MIA3: variants seen among roughly 807,000 people sequenced by gnomAD.
MIA3 encodes transport and Golgi organization protein 1 homolog.
In MIA3, 90 loss-of-function variants were observed where a neutral mutation model predicts 192.4. The observed-to-expected ratio is 0.47, with a 90% CI of 0.39 to 0.56. The LOEUF (loss-of-function observed/expected upper bound fraction) is 0.56, where lower values mean the gene tolerates loss of function less well. MIA3 is among the 20% of genes least tolerant of loss of function. The pLI is 0.00. For missense variants in MIA3, 2,123 were observed against 2,269.4 expected (o/e 0.94, Z 1.31); for synonymous variants, 740 against 792.8 (o/e 0.93, Z 1.12).
At chr1:222,633,355 T>C (rs1662489677) in intron 6 of MIA3, 106 bp downstream of exon 6, 3 of 943,052 alleles carry the variant, frequency 3.2e-6, no homozygotes, top group South Asian at 3.4e-5. Context: ...TGAACCTGAC[T>C]CCTGATCCTT....
At position 222,633,172 on chromosome 1, in the gene MIA3, G is replaced by A. The variant is rs577679209; in HGVS notation, c.3400G>A (p.Glu1134Lys). Residue 1134 changes from glutamate to lysine, a missense_variant, in exon 6 of 28, where the codon GAA becomes AAA. Physicochemically the swap from Glu to Lys is moderately conservative, Grantham distance 56 (BLOSUM62 1). This residue lies in a region of MIA3 where 1,357 missense variants were observed against 1,396.1 expected (regional missense o/e 0.97). Coordinates refer to ENST00000344922, the MANE Select transcript of MIA3 (RefSeq NM_198551.4). ...AAACAAGCAACCAGAGACAGCCGCC[G>A]AAGAGCCGGCAAGTGTCACACCTTT... ...DANKQPETAAEEPASVTPLEN... is the reference protein window; with the variant it reads ...DANKQPETAAKEPASVTPLEN... 41 of 1,614,050 alleles carry A rather than the reference G, an allele frequency of 2.5e-5. No homozygotes were observed. The highest frequency in any genetic ancestry group is 3.3e-5 in the Admixed American group (2 of 59,996).
intron 6 of MIA3, among the ~76,000 whole-genome samples, chr1:222,637,912 G>A (rs947936400): frequency 6.6e-6 from 1 of 151,970 alleles, no homozygotes. Flanking sequence ...AAAATCCTGG[G>A]CTCAAGTAAT....
rs751625495 is a variant in MIA3 at position 222,628,450 on chromosome 1, A to G, written c.1230A>G (p.Glu410=). 6.2e-7 allele frequency: 1 copy of G among 1,612,610 alleles called. No homozygotes were observed. The highest frequency in any genetic ancestry group is 1.1e-5 in the South Asian group (1 of 90,716). Residue 410 remains glutamate (E), a synonymous_variant, in exon 4 of 28, where the codon GAA becomes GAG. Transcript: ENST00000344922. ...TMDLESSSSE[E]EKEDDDDALV... ...ATTTAGAGAGCTCTAGTTCAGAGGA[A>G]GAAAAAGAAGATGATGATGATGCAT...
chr1:222,622,584 A>G (rs929893042), intron 2 of MIA3, among the ~76,000 whole-genome samples: 4 of 152,320 alleles, frequency 2.6e-5, no homozygotes, highest in African/African-American at 9.6e-5. Flanking sequence ...CAGCTCTCCT[A>G]TTTAGAGAGC....
chr1:222,636,735 A>G (rs1662642793), intron 6 of MIA3, among the ~76,000 whole-genome samples: 1 of 152,004 alleles, frequency 6.6e-6, no homozygotes, highest in South Asian at 2.1e-4. Flanking sequence ...GCTGGTCTCG[A>G]ACTCCTGACC....
intron 2 of MIA3, among the ~76,000 whole-genome samples, chr1:222,621,945 GC>G (rs1661887589): frequency 6.6e-6 from 1 of 151,938 alleles, no homozygotes; most frequent in Non-Finnish European, 1.5e-5. Flanking sequence ...AGTAGCTGGG[GC>G]TGCAGGTGCC....
Position 222,630,151 on chromosome 1 carries a change from G to A in MIA3, c.2931G>A (p.Lys977=), listed in dbSNP as rs753907157. ...LPYNMEKVLD[K]VFRASESQIL... The stretch of plus-strand genomic sequence containing the variant: ...ATAATATGGAAAAAGTCCTAGATAA[G>A]GTCTTCCGTGCTTCTGAGTCACAAA... The change falls in exon 4 of 28, where the codon AAG becomes AAA. Residue 977 remains lysine (K), a synonymous_variant. Coordinates refer to ENST00000344922, the MANE Select transcript of MIA3 (RefSeq NM_198551.4). 2.5e-6 allele frequency: 4 copies of A among 1,614,190 alleles called. No individual in the cohort carries two copies. Among genetic ancestry groups the A allele is most frequent in the Non-Finnish European group, 3.4e-6 (4 of 1,180,042 alleles).
At chr1:222,623,767 C>T (rs1421146349) in intron 2 of MIA3, among the ~76,000 whole-genome samples, 2 of 152,136 alleles carry the variant, frequency 1.3e-5, no homozygotes, top group Non-Finnish European at 2.9e-5. Flanking sequence ...GGAGATCTAC[C>T]TCTCCTTTCA....
chr1:222,651,984 A>G lies in MIA3; in HGVS notation c.3917A>G (p.Glu1306Gly). 6.4e-7 allele frequency: 1 copy of G among 1,562,604 alleles called. No individual in the cohort carries two copies. Among genetic ancestry groups the G allele is most frequent in the South Asian group, 1.1e-5 (1 of 89,888 alleles). ...TCTGTTTTTACATGGCAGATATCAGAAAACAAGAAATCTATAGAGAAGTTA... is the reference window on the plus strand; with the variant it reads ...TCTGTTTTTACATGGCAGATATCAGGAAACAAGAAATCTATAGAGAAGTTA... ...QNVKNQDLIS[E>G]NKKSIEKLKD... is the part of the protein sequence containing the mutation. Residue 1306 changes from glutamate to glycine, a missense_variant, in exon 12 of 28, where the codon GAA becomes GGA. Coordinates refer to ENST00000344922, the MANE Select transcript of MIA3 (RefSeq NM_198551.4).
chr1:222,648,691 A>T, intron 7 of MIA3, 138 bp from the exon 8 acceptor site: 1 of 616,400 alleles, frequency 1.6e-6, no homozygotes, highest in Non-Finnish European at 2.9e-6. Context: ...AAGTTTTTTC[A>T]TCTTGAGGAT....
At chr1:222,641,958 C>T (rs1662880660) in intron 6 of MIA3, 2 of 360,526 alleles carry the variant, frequency 5.5e-6, no homozygotes, top group South Asian at 2.2e-5. Context: ...AAATGCTACT[C>T]AGCAATTAAA....
intron 1 of MIA3, 78 bp from the exon 2 acceptor site, chr1:222,621,081 T>C: frequency 7.9e-7 from 1 of 1,259,396 alleles, no homozygotes; most frequent in Non-Finnish European, 1.1e-6. Flanking sequence ...GATTCTTATA[T>C]TTCCTGATAA....
chr1:222,666,590 A>G lies in MIA3; in HGVS notation c.*971A>G, dbSNP rs1345759746. ...ACTGATTTTTGAGGAATATAATAAAAAGATTGGAAGAGTATAATGCCATGA... is the reference window on the plus strand; with the variant it reads ...ACTGATTTTTGAGGAATATAATAAAGAGATTGGAAGAGTATAATGCCATGA... On this transcript the variant is annotated 3_prime_UTR_variant, in exon 28 of 28. Coordinates refer to ENST00000344922, the MANE Select transcript of MIA3 (RefSeq NM_198551.4). 1.3e-5 allele frequency: 2 copies of G among 150,682 alleles called. No homozygotes were observed. Among genetic ancestry groups the G allele is most frequent in the Non-Finnish European group, 2.9e-5 (2 of 67,818 alleles). The allele number at this position is 150,682 out of a possible 1,614,324, so 9.3% of individuals were successfully genotyped here.
At chr1:222,623,494 A>G (rs1182053643) in intron 2 of MIA3, among the ~76,000 whole-genome samples, 1 of 152,182 alleles carries the variant, frequency 6.6e-6, no homozygotes, top group East Asian at 1.9e-4. Context: ...TCAGCTTTCA[A>G]AATGATTCTC....
chr1:222,660,145 TTAAAA>T, intron 23 of MIA3, 27 bp from the exon 24 acceptor site: 1 of 1,605,224 alleles, frequency 6.2e-7, no homozygotes, highest in Non-Finnish European at 8.5e-7. Context: ...AAAGGCTGTC[TTAAAA>T]TGCTAACAAG....
intron 2 of MIA3, among the ~76,000 whole-genome samples, chr1:222,622,376 A>AG (rs1358831818): frequency 1.3e-5 from 2 of 152,212 alleles, no homozygotes; most frequent in South Asian, 4.1e-4. Flanking sequence ...TCAAGTAGTA[A>AG]GGGTCCTCGA....
chr1:222,643,986 C>A (rs1288696884), intron 6 of MIA3, among the ~76,000 whole-genome samples: 3 of 152,192 alleles, frequency 2.0e-5, no homozygotes, highest in African/African-American at 7.2e-5. Context: ...CCCATCTGAG[C>A]GGTGGTCCTT....
Position 222,632,086 on chromosome 1 carries a change from C to T in MIA3, c.3170-79C>T, listed in dbSNP as rs1320678482. 4 of 1,356,146 alleles carry T rather than the reference C, an allele frequency of 2.9e-6. No individual in the cohort carries two copies. The South Asian group carries it at 5.4e-5, about 18-fold the overall frequency. The allele number at this position is 1,356,146 out of a possible 1,614,324, so 84.0% of individuals were successfully genotyped here. A position where few individuals can be genotyped will look rare whatever the true frequency, so the allele number is the denominator to read the frequency against. On this transcript the variant is annotated intron_variant, in intron 4 of 27. Coordinates refer to ENST00000344922, the MANE Select transcript of MIA3 (RefSeq NM_198551.4). ...ATGCATGGAGGTCAATGTTGAGGTG[C>T]CCTGGTGTGGTCAGTGGGATTAGCC...
rs766132938 is a variant in MIA3 at position 222,628,581 on chromosome 1, A to T, written c.1361A>T (p.Asn454Ile). The T allele has an allele frequency of 1.2e-6, 2 of 1,614,208 alleles. No individual in the cohort carries two copies. The highest frequency in any genetic ancestry group is 4.5e-5 in the East Asian group (2 of 44,884). Residue 454 changes from asparagine to isoleucine, a missense_variant, in exon 4 of 28, where the codon AAT (asparagine) becomes ATT (isoleucine). By Grantham distance (149) the Asn-to-Ile change is moderately radical. Around this residue, in one of 3 missense-constraint regions of MIA3, gnomAD observed 1,357 missense variants for 1,396.1 expected, o/e 0.97. Transcript: ENST00000344922. Reference sequence around the variant, plus strand: ...ATTGTAGACATTCCTAAAACAAATAATGACAAAGAAGTAAACGCAGAACAT... The same window carrying T: ...ATTGTAGACATTCCTAAAACAAATATTGACAAAGAAGTAAACGCAGAACAT... ...LFIVDIPKTN[N>I]DKEVNAEHHI...
Sources: gnomAD v4.1 joint callset for allele counts (sites outside exome capture counted in the v4.1 genomes callset) on GRCh38, gnomAD v4.1.1 for gene constraint, gnomAD v4.1.1 regional missense constraint, MANE v1.5 for transcripts, NCBI Gene and HGNC (gene_info 2026-07-23, HGNC 2026-07-21) for gene names.